The following LRBA variants were observed in gnomAD, a reference collection of about 807,000 sequenced individuals.
LRBA encodes LPS responsive beige-like anchor protein, also known as lipopolysaccharide-responsive and beige-like anchor protein.
In LRBA, 176 loss-of-function variants were observed where a neutral mutation model predicts 330.0. The observed-to-expected ratio is 0.53, with a 90% confidence interval of 0.47 to 0.60. The LOEUF is 0.60. Ranked by LOEUF, LRBA falls within the 20% of genes least tolerant of loss-of-function variation. The pLI, the probability that LRBA is intolerant of heterozygous loss-of-function variation, is 0.00. For missense variants in LRBA, 3,259 were observed against 3,444.8 expected, an observed-to-expected ratio of 0.95 and a Z score of 1.35; for synonymous variants, 1,230 against 1,193.0, an observed-to-expected ratio of 1.03 and a Z score of -0.64.
At chr4:150,351,883 A>C (rs184922636) in intron 47 of LRBA, among the ~76,000 whole-genome samples, 42 of 152,288 alleles carry the variant, frequency 2.8e-4, no homozygotes, top group African/African-American at 9.6e-4. Flanking sequence ...TAAGAGATAA[A>C]CAACAATAAC....
At chr4:150,732,963 T>A (rs1015286137) in intron 36 of LRBA, among the ~76,000 whole-genome samples, 1 of 152,082 alleles carries the variant, frequency 6.6e-6, no homozygotes, top group Non-Finnish European at 1.5e-5. Flanking sequence ...TATATCCCAT[T>A]ACTTTTTCAC....
chr4:150,895,561 G>T (rs1179208115), intron 16 of LRBA, among the ~76,000 whole-genome samples: 1 of 152,004 alleles, frequency 6.6e-6, no homozygotes. Context: ...GCAATAGTTT[G>T]CTGAGAATGA....
chr4:150,494,357 C>T (rs528165745), intron 40 of LRBA, among the ~76,000 whole-genome samples: 1 of 152,254 alleles, frequency 6.6e-6, no homozygotes, highest in East Asian at 1.9e-4. Context: ...ATTTTAAGCT[C>T]TTTGATATGT....
chr4:150,620,600 A>G (rs1201199816), intron 37 of LRBA, among the ~76,000 whole-genome samples: 1 of 152,340 alleles, frequency 6.6e-6, no homozygotes, highest in East Asian at 1.9e-4. Flanking sequence ...TGTGGTATGT[A>G]TACACCATGG....
intron 47 of LRBA, among the ~76,000 whole-genome samples, chr4:150,350,956 T>G (rs1581087649): frequency 6.6e-6 from 1 of 152,370 alleles, no homozygotes; most frequent in East Asian, 1.9e-4. Flanking sequence ...TTGATTGAGT[T>G]CTTATGCTAA....
At position 150,661,842 on chromosome 4, in the gene LRBA, C is replaced by T. The variant is rs549399393; in HGVS notation, c.5921+21709G>A. Among the ~76,000 whole-genome samples the T allele has an allele frequency of 5.3e-5, 8 of 152,044 alleles. No homozygotes were observed. The East Asian group carries it at 7.7e-4, about 15-fold the overall frequency. On this transcript the variant is annotated intron_variant, in intron 37 of 56. Coordinates refer to ENST00000651943, the MANE Select transcript of LRBA (RefSeq NM_001364905.1). ...TTCACCACGTTGGCCAGGCTGGTCT[C>T]GAACTGACCTCAAGTGATCCACGAG... is the stretch of plus-strand genomic sequence containing the variant.
chr4:150,589,200 C>T (rs1019458531), intron 39 of LRBA, among the ~76,000 whole-genome samples: 2 of 152,056 alleles, frequency 1.3e-5, no homozygotes, highest in Non-Finnish European at 2.9e-5. Context: ...TAATATAGTG[C>T]CTATAAACAA....
At chr4:150,366,890 A>G (rs993624605) in intron 47 of LRBA, among the ~76,000 whole-genome samples, 13 of 152,202 alleles carry the variant, frequency 8.5e-5, no homozygotes, top group Admixed American at 2.0e-4. Context: ...TCTTTCAAGT[A>G]GGTATTTGGT....
chr4:150,601,413 A>G (rs893339837), intron 37 of LRBA, among the ~76,000 whole-genome samples: 4 of 152,172 alleles, frequency 2.6e-5, no homozygotes, highest in Non-Finnish European at 4.4e-5. Context: ...CAGCAGAAAA[A>G]CCAGAGGAAT....
At chr4:150,914,066 T>C (rs1196075042) in intron 9 of LRBA, 129 bp downstream of exon 9, 2 of 639,874 alleles carry the variant, frequency 3.1e-6, no homozygotes, top group Non-Finnish European at 5.3e-6. Flanking sequence ...CACCCTGCTG[T>C]GGTATCAAAT....
intron 37 of LRBA, among the ~76,000 whole-genome samples, chr4:150,643,301 T>G (rs9790393): frequency 0.8 from 121,643 of 151,740 alleles, 52,401 homozygotes; most frequent in Non-Finnish European, 0.95. Flanking sequence ...CAGAAGAAAT[T>G]AGCAATCAAA....
At position 150,490,975 on chromosome 4, in the gene LRBA, A is replaced by G. The variant is rs1277136491; in HGVS notation, c.6391T>C (p.Phe2131Leu). Residue 2131 changes from phenylalanine (F) to leucine (L), a missense_variant, in exon 41 of 57, where the codon TTT becomes CTT. Phe to Leu is a conservative substitution (Grantham distance 22). Coordinates refer to ENST00000651943, the MANE Select transcript of LRBA (RefSeq NM_001364905.1). The stretch of plus-strand genomic sequence containing the variant: ...TTTTGCAAAAGATAACGACGAGAAA[A>G]GATTGATCGTATCTCTGTGAACAGC... Reference protein sequence around the residue: ...KWLFTEIRSIFSRRYLLQNTA... With the variant: ...KWLFTEIRSILSRRYLLQNTA... 23 of 1,610,360 alleles carry G rather than the reference A, an allele frequency of 1.4e-5. No individual in the cohort carries two copies. The highest frequency in any genetic ancestry group is 2.0e-5 in the Non-Finnish European group (23 of 1,177,656).
rs866461657 is a variant in LRBA, at chr4:150,552,034, C to T, written c.6330+36014G>A. On this transcript the variant is annotated intron_variant, in intron 40 of 56. Coordinates refer to ENST00000651943, the MANE Select transcript of LRBA (RefSeq NM_001364905.1). ...TGACATTAGAGTCTCATAAGGAGCA[C>T]GCAACCTAGTTCCCTCATATGCACA... 1.4e-4 allele frequency among the ~76,000 whole-genome samples: 22 copies of T among 152,144 alleles called. 1 individual carries two copies. The highest frequency in any genetic ancestry group is 5.8e-4 in the East Asian group (3 of 5,152).
At chr4:150,695,873 T>G (rs1157525344) in intron 36 of LRBA, among the ~76,000 whole-genome samples, 1 of 152,208 alleles carries the variant, frequency 6.6e-6, no homozygotes, top group East Asian at 1.9e-4. Context: ...TTTAGTTGTA[T>G]TAGCAAGGTC....
intron 48 of LRBA, among the ~76,000 whole-genome samples, chr4:150,329,648 T>G (rs1363481840): frequency 6.6e-6 from 1 of 152,158 alleles, no homozygotes; most frequent in Non-Finnish European, 1.5e-5. Flanking sequence ...ATCTGAAAGG[T>G]TTCCAGTCCT....
intron 17 of LRBA, among the ~76,000 whole-genome samples, chr4:150,880,976 C>T (rs763074370): frequency 1.3e-5 from 2 of 152,056 alleles, no homozygotes; most frequent in Admixed American, 1.3e-4. Context: ...AAATGCAAAT[C>T]AAAATAATGA....
intron 37 of LRBA, among the ~76,000 whole-genome samples, chr4:150,639,841 A>T (rs13101354): frequency 2.5e-5 from 1 of 40,610 alleles, no homozygotes; most frequent in Non-Finnish European, 4.9e-5. Flanking sequence ...ATATATATAT[A>T]TATATATATA....
At chr4:150,756,380 A>G (rs1734307120) in intron 35 of LRBA, among the ~76,000 whole-genome samples, 1 of 152,166 alleles carries the variant, frequency 6.6e-6, no homozygotes, top group Non-Finnish European at 1.5e-5. Flanking sequence ...ATTAACATCA[A>G]TACTGAGATA....
chr4:150,679,494 T>C (rs1227012033), intron 37 of LRBA: 1 of 152,174 alleles, frequency 6.6e-6, no homozygotes, highest in Non-Finnish European at 1.5e-5. Flanking sequence ...GATTTTTTTT[T>C]ATAACACTCC....
Sources: allele counts gnomAD v4.1 joint callset (sites outside exome capture counted in the v4.1 genomes callset), GRCh38; gene constraint gnomAD v4.1.1; transcripts MANE v1.5; gene names NCBI Gene and HGNC (gene_info 2026-07-23, HGNC 2026-07-21).